PRR33: variants seen among roughly 807,000 people sequenced by gnomAD.
PRR33 encodes proline rich 33, also known as proline-rich protein 33.
PRR33 carries 1 observed loss-of-function variant against 0.5 expected under a neutral mutation model. The ratio of observed to expected loss-of-function variants is 2.18; its 90% CI spans 0.77 to 10.34. The LOEUF (loss-of-function observed/expected upper bound fraction) is 10.34. Ranked by LOEUF, PRR33 falls within the 30% of genes most tolerant of loss-of-function variation. PRR33 has a pLI of 0.13. For synonymous variants in PRR33, 226 were observed against 110.0 expected (o/e 2.06, Z -6.60); for missense variants, 552 against 251.8 (o/e 2.19, Z -8.07).
At chr11:1,908,545 CTTGTT>C in the PRR33 span, among the ~76,000 whole-genome samples, 1 of 152,040 alleles carries the variant, frequency 6.6e-6, no homozygotes, top group Non-Finnish European at 1.5e-5. Flanking sequence ...ACTTTATACT[CTTGTT>C]TGGGTTTTTT....
the PRR33 span, among the ~76,000 whole-genome samples, chr11:1,911,257 TGTG>T: frequency 6.6e-6 from 1 of 151,982 alleles, no homozygotes; most frequent in African/African-American, 2.4e-5. Context: ...ACCTGGCTAA[TGTG>T]GTGAAACCCT....
chr11:1,907,375 A>C, the PRR33 span, among the ~76,000 whole-genome samples: 4 of 152,238 alleles, frequency 2.6e-5, no homozygotes, highest in African/African-American at 9.6e-5. Flanking sequence ...ATTGTTCCCC[A>C]GCATGAAAGC....
upstream of PRR33, among the ~76,000 whole-genome samples, chr11:1,894,804 C>T (rs1282376225): frequency 6.6e-6 from 1 of 152,172 alleles, no homozygotes. Context: ...GAAGGACATA[C>T]ATTTCCTTTA....
upstream of PRR33, among the ~76,000 whole-genome samples, chr11:1,896,866 A>T (rs866687105): frequency 6.6e-6 from 1 of 152,238 alleles, no homozygotes; most frequent in Non-Finnish European, 1.5e-5. Flanking sequence ...GATTTTTCAA[A>T]TGCTTTTTCT....
At chr11:1,910,257 G>GT in the PRR33 span, among the ~76,000 whole-genome samples, 885 of 149,706 alleles carry the variant, frequency 5.9e-3, 8 homozygotes, top group Middle Eastern at 0.01. Flanking sequence ...CCATTGTGGT[G>GT]TTTTTTTTTT....
the PRR33 span, among the ~76,000 whole-genome samples, chr11:1,905,383 T>C: frequency 1.3e-5 from 2 of 151,196 alleles, no homozygotes; most frequent in South Asian, 4.2e-4. Flanking sequence ...TGCCTCAGGC[T>C]CCCAAAGTGC....
chr11:1,900,565 GT>G, the PRR33 span, among the ~76,000 whole-genome samples: 1 of 152,198 alleles, frequency 6.6e-6, no homozygotes, highest in Non-Finnish European at 1.5e-5. Flanking sequence ...GACTGTGTGT[GT>G]TTGTGAGTTT....
upstream of PRR33, among the ~76,000 whole-genome samples, chr11:1,893,797 GTGGA>G (rs1849084867): frequency 6.6e-6 from 1 of 151,052 alleles, no homozygotes; most frequent in Non-Finnish European, 1.5e-5. Context: ...GGATGGATAG[GTGGA>G]TGGATGAATG....
At chr11:1,914,233 G>A in the PRR33 span, among the ~76,000 whole-genome samples, 6 of 151,974 alleles carry the variant, frequency 3.9e-5, no homozygotes, top group Admixed American at 3.3e-4. Context: ...GTTTCTGTGT[G>A]TGTGTGTGTG....
At chr11:1,896,785 AGG>A (rs1849129256), upstream of PRR33, among the ~76,000 whole-genome samples, 2 of 152,202 alleles carry the variant, frequency 1.3e-5, no homozygotes. Context: ...ATCCTGTATT[AGG>A]TTAGGGAAGT....
At chr11:1,903,426 A>G in the PRR33 span, among the ~76,000 whole-genome samples, 2 of 152,174 alleles carry the variant, frequency 1.3e-5, no homozygotes, top group Non-Finnish European at 1.5e-5. Flanking sequence ...AATTACAGGC[A>G]TGGGCCACCT....
chr11:1,905,876 T>G, the PRR33 span, among the ~76,000 whole-genome samples: 1 of 151,982 alleles, frequency 6.6e-6, no homozygotes, highest in Non-Finnish European at 1.5e-5. Context: ...TCGAGTGTAT[T>G]GGTGCAATCA....
At chr11:1,913,477 C>A in the PRR33 span, among the ~76,000 whole-genome samples, 9 of 152,162 alleles carry the variant, frequency 5.9e-5, no homozygotes, top group Non-Finnish European at 8.8e-5. Flanking sequence ...CCAGGCCTCG[C>A]ATTTCCCTCT....
upstream of PRR33, among the ~76,000 whole-genome samples, chr11:1,895,490 G>C (rs1172824670): frequency 6.6e-6 from 1 of 152,142 alleles, no homozygotes; most frequent in South Asian, 2.1e-4. Flanking sequence ...TTTTTCTCCT[G>C]GTTGGTGGCC....
the PRR33 span, among the ~76,000 whole-genome samples, chr11:1,902,109 G>A: frequency 1.8e-4 from 28 of 152,140 alleles, no homozygotes; most frequent in Admixed American, 1.2e-3. Flanking sequence ...GCGGGCGCCT[G>A]TAGTCCCAGC....
At chr11:1,905,835 G>A in the PRR33 span, among the ~76,000 whole-genome samples, 2 of 150,976 alleles carry the variant, frequency 1.3e-5, no homozygotes, top group African/African-American at 4.9e-5. Context: ...TTCTTTTTGT[G>A]GGGGGGACAG....
exon 1 of PRR33, chr11:1,889,533 T>A (rs1467257907): frequency 4.9e-6 from 3 of 612,666 alleles, no homozygotes; most frequent in Admixed American, 5.9e-5. Context: ...CTCTGGGGCC[T>A]CCTCCAGCAG....
chr11:1,917,075 A>G, the PRR33 span, among the ~76,000 whole-genome samples: 2 of 152,220 alleles, frequency 1.3e-5, no homozygotes, highest in African/African-American at 4.8e-5. Context: ...AGCACTAGGC[A>G]TGTGGGGAGG....
At chr11:1,915,216 TGTG>T in the PRR33 span, among the ~76,000 whole-genome samples, 45 of 141,342 alleles carry the variant, frequency 3.2e-4, no homozygotes, top group African/African-American at 1.1e-3. Flanking sequence ...GTGTGTGTCT[TGTG>T]GGGTGTACAC....
Sources: allele counts gnomAD v4.1 joint callset (sites outside exome capture counted in the v4.1 genomes callset), GRCh38; gene constraint gnomAD v4.1.1; transcripts MANE v1.5; gene names NCBI Gene and HGNC (gene_info 2026-07-23, HGNC 2026-07-21).